Variants in CD1C observed in about 807,000 individuals in gnomAD.
CD1C encodes the protein CD1c molecule.
A neutral mutation model predicts 39.4 loss-of-function variants in CD1C; 47 were observed. The observed-to-expected ratio is 1.19, with a 90% CI of 0.94 to 1.52. The LOEUF is 1.52. CD1C is among the 40% of genes most tolerant of loss of function. The pLI is 0.00. For synonymous variants in CD1C, 165 were observed against 150.8 expected (o/e 1.09, Z -0.69); for missense variants, 417 against 395.2 (o/e 1.06, Z -0.47).
In CD1C at chr1:158,293,470, C is replaced by T; in HGVS notation, c.996C>T (p.Ile332=). 6.2e-7 allele frequency: 1 copy of T among 1,614,114 alleles called. No homozygotes were observed. The highest frequency in any genetic ancestry group is 8.5e-7 in the Non-Finnish European group (1 of 1,180,010). ...TCCTTCACAGCTCATATCAGGACAT[C>T]CTGTGAGACTCTTCCCCCTGACTCC... ...WFKKHCSYQD[I]L is the part of the protein sequence containing the mutation. The change falls in exon 6 of 6, where the codon ATC becomes ATT. Residue 332 remains isoleucine (I), a synonymous_variant. Transcript: ENST00000368170.
chr1:158,293,091 A>T, intron 4 of CD1C, 121 bp from the exon 5 acceptor site: 1 of 939,626 alleles, frequency 1.1e-6, no homozygotes, highest in Non-Finnish European at 1.7e-6. Flanking sequence ...GAATAGAGTG[A>T]CTGAAATAGG....
At chr1:158,290,812 C>T (rs986891225) in intron 1 of CD1C, among the ~76,000 whole-genome samples, 2 of 152,088 alleles carry the variant, frequency 1.3e-5, no homozygotes, top group Non-Finnish European at 2.9e-5. Context: ...TTCTCCTCCC[C>T]GGTGGTGACA....
chr1:158,292,615 G>A lies in CD1C; in HGVS notation c.630G>A (p.Leu210=). ...CTGCAGTGAGGCCAGAAGCCTGGCT[G>A]TCCAGTCGCCCCAGCCTTGGGTCTG... ...VHRQVRPEAW[L]SSRPSLGSGQ... Residue 210 remains leucine (L), a synonymous_variant, in exon 4 of 6, where the codon CTG becomes CTA. Transcript: ENST00000368170. The A allele has an allele frequency of 6.2e-7, 1 of 1,612,828 alleles. No individual in the cohort carries two copies. Among genetic ancestry groups the A allele is most frequent in the Non-Finnish European group, 8.5e-7 (1 of 1,179,996 alleles).
At chr1:158,291,619 T>G (rs1216175318) in intron 2 of CD1C, among the ~76,000 whole-genome samples, 2 of 152,194 alleles carry the variant, frequency 1.3e-5, no homozygotes, top group East Asian at 1.9e-4. Context: ...ATCTTCCACC[T>G]GTGGTCTCCC....
At position 158,291,126 on chromosome 1, in the gene CD1C, AC is replaced by A. The variant is rs2101657755; in HGVS notation, c.62-6del. Reference sequence around the variant, plus strand: ...TCCTTACACTACTTGCCCTTCTTCCACCAAAAGCATCCCAGGAACACGTCTC... The same window carrying A: ...TCCTTACACTACTTGCCCTTCTTCCACAAAAGCATCCCAGGAACACGTCTC... On this transcript the variant is annotated splice_polypyrimidine_tract_variant and splice_region_variant and intron_variant, in intron 1 of 5. Transcript: ENST00000368170. The A allele has an allele frequency of 6.3e-7, 1 of 1,595,338 alleles. No individual in the cohort carries two copies. Among genetic ancestry groups the A allele is most frequent in the East Asian group, 2.3e-5 (1 of 44,306 alleles).
rs1045058762 is a variant in CD1C, at chr1:158,292,239, G to T, written c.484G>T (p.Val162Phe). The T allele has an allele frequency of 6.2e-7, 1 of 1,614,166 alleles. No individual in the cohort carries two copies. The highest frequency in any genetic ancestry group is 1.6e-4 in the Middle Eastern group (1 of 6,062). ...SPGCGSLAQS[V>F]CHLLNHQYEG... Reference sequence around the variant, plus strand: ...AGGCTGTGGAAGTTTGGCCCAAAGTGTCTGTCATCTACTCAATCATCAGTA... The same window carrying T: ...AGGCTGTGGAAGTTTGGCCCAAAGTTTCTGTCATCTACTCAATCATCAGTA... Residue 162 changes from valine (V) to phenylalanine (F), a missense_variant, in exon 3 of 6, where the codon GTC (valine) becomes TTC (phenylalanine). Physicochemically the swap from Val to Phe is conservative, Grantham distance 50. Coordinates refer to ENST00000368170, the MANE Select transcript of CD1C (RefSeq NM_001765.3).
Position 158,293,443 on chromosome 1 carries a change from G to C in CD1C, c.981-12G>C, listed in dbSNP as rs371567161. The C allele has an allele frequency of 6.2e-7, 1 of 1,613,422 alleles. No homozygotes were observed. The highest frequency in any genetic ancestry group is 8.5e-7 in the Non-Finnish European group (1 of 1,179,902). On this transcript the variant is annotated splice_polypyrimidine_tract_variant and intron_variant, in intron 5 of 5. Transcript: ENST00000368170. ...CTTATTCAGGGTTTCTCCCATTCCT[G>C]TTCCTTCACAGCTCATATCAGGACA...
chr1:158,292,443 G>C, intron 3 of CD1C, 78 bp downstream of exon 3: 1 of 1,521,230 alleles, frequency 6.6e-7, no homozygotes, highest in Middle Eastern at 1.8e-4. Context: ...TCAAACTCAG[G>C]ACAAGAAAGA....
Position 158,292,533 on chromosome 1 carries a change from G to T in CD1C, c.611-63G>T, listed in dbSNP as rs1005258347. ...TAACTGTGCATATTCATGTGGATGTGTGTATGTGGATGTAAGTTGTGTGTA... is the reference window on the plus strand; with the variant it reads ...TAACTGTGCATATTCATGTGGATGTTTGTATGTGGATGTAAGTTGTGTGTA... On this transcript the variant is annotated intron_variant, in intron 3 of 5. Transcript: ENST00000368170. The T allele has an allele frequency of 3.9e-6, 6 of 1,555,788 alleles. No individual in the cohort carries two copies. In the Admixed American group the frequency reaches 8.7e-5, roughly 23 times the overall value.
Position 158,291,396 on chromosome 1 carries a change from G to A in CD1C, c.324G>A (p.Ser108=), listed in dbSNP as rs116022586. 106 of 1,612,972 alleles carry A rather than the reference G, an allele frequency of 6.6e-5. 1 individual carries two copies. In the East Asian group the frequency reaches 2.0e-3, roughly 31 times the overall value. Residue 108 remains serine (S), a synonymous_variant, in exon 2 of 6, where the codon TCG becomes TCA. Transcript: ENST00000368170. The part of the protein sequence containing the change: ...EIQDHASQDY[S]KYPFEVQVKA... Reference sequence around the variant, plus strand: ...AAGACCATGCAAGTCAAGATTACTCGAAATGTAAGTTCAATCATCTAAATT... The same window carrying A: ...AAGACCATGCAAGTCAAGATTACTCAAAATGTAAGTTCAATCATCTAAATT...
chr1:158,292,417 C>A, intron 3 of CD1C, 52 bp downstream of exon 3: 3 of 1,560,040 alleles, frequency 1.9e-6, no homozygotes, highest in South Asian at 1.2e-5. Flanking sequence ...AGTACTGCCC[C>A]TTCTGTTCCC....
In CD1C at chr1:158,293,686, C is replaced by T. The variant is rs1401107298; in HGVS notation, c.*210C>T. 5.9e-6 allele frequency: 7 copies of T among 1,181,604 alleles called. No homozygotes were observed. The highest frequency in any genetic ancestry group is 1.5e-5 in the African/African-American group (1 of 65,530). The allele number at this position is 1,181,604 out of a possible 1,614,324, so 73.2% of individuals were successfully genotyped here. On this transcript the variant is annotated 3_prime_UTR_variant, in exon 6 of 6. Transcript: ENST00000368170. ...AGCACTCAACCTTCAAAGCCCATTT[C>T]TGATGTCATTTCCTCCAACGATCTT...
At chr1:158,292,029 C>T in intron 2 of CD1C, 55 bp from the exon 3 acceptor site, 1 of 1,538,256 alleles carries the variant, frequency 6.5e-7, no homozygotes, top group South Asian at 1.3e-5. Context: ...GGTTTTTATA[C>T]TGTTGTTTTC....
rs777338198 is a variant in CD1C at position 158,291,319 on chromosome 1, G to C, written c.247G>C (p.Asp83His). 33 of 1,614,130 alleles carry C rather than the reference G, an allele frequency of 2.0e-5. No homozygotes were observed. The highest frequency in any genetic ancestry group is 2.6e-5 in the Non-Finnish European group (31 of 1,179,998). The change falls in exon 2 of 6, where the codon GAC becomes CAC. Residue 83 changes from aspartate to histidine, a missense_variant. By Grantham distance (81) the Asp-to-His change is moderately conservative. Transcript: ENST00000368170. ...CAACTTCAGCAATGAAGAGTTGTCA[G>C]ACCTAGAGTTGTTATTTCGTTTCTA... The part of the protein sequence containing the change: ...KGNFSNEELS[D>H]LELLFRFYLF...
chr1:158,293,393 C>A (rs1468710961), intron 5 of CD1C, 62 bp from the exon 6 acceptor site: 23 of 1,598,946 alleles, frequency 1.4e-5, no homozygotes, highest in South Asian at 2.2e-5. Context: ...GACTACTCCA[C>A]CTTATCCTCA....
intron 2 of CD1C, 148 bp from the exon 3 acceptor site, chr1:158,291,936 C>G: frequency 2.6e-6 from 2 of 760,986 alleles, no homozygotes; most frequent in South Asian, 1.9e-5. Context: ...CAATTTTTCT[C>G]TCTTGTTTCT....
chr1:158,291,449 C>T (rs779907792), intron 2 of CD1C, 49 bp downstream of exon 2: 1 of 1,581,480 alleles, frequency 6.3e-7, no homozygotes, highest in Non-Finnish European at 8.7e-7. Flanking sequence ...TGTTCTATTT[C>T]AGGGAAATAT....
chr1:158,291,201 A>C lies in CD1C; in HGVS notation c.129A>C (p.Arg43=), dbSNP rs1429002305. The C allele has an allele frequency of 1.9e-6, 3 of 1,613,502 alleles. No homozygotes were observed. Among genetic ancestry groups the C allele is most frequent in the Non-Finnish European group, 2.5e-6 (3 of 1,179,922 alleles). The change falls in exon 2 of 6, where the codon CGA becomes CGC. Residue 43 remains arginine, a synonymous_variant. Coordinates refer to ENST00000368170, the MANE Select transcript of CD1C (RefSeq NM_001765.3). ...IFSFVNQSWA[R]GQGSGWLDEL... ...CATTTGTCAACCAATCCTGGGCACG[A>C]GGTCAGGGCTCAGGATGGCTGGACG...
rs145975773 is a variant in CD1C, at chr1:158,291,234, G to T, written c.162G>T (p.Gln54His). 19 of 1,613,958 alleles carry T rather than the reference G, an allele frequency of 1.2e-5. No individual in the cohort carries two copies. The African/African-American group carries it at 1.7e-4, about 15-fold the overall frequency. Residue 54 changes from glutamine to histidine, a missense_variant, in exon 2 of 6, where the codon CAG becomes CAT. By Grantham distance (24) the Gln-to-His change is conservative. Transcript: ENST00000368170. The part of the protein sequence containing the change: ...GQGSGWLDEL[Q>H]THGWDSESGT... ...GCTCAGGATGGCTGGACGAGTTGCA[G>T]ACTCATGGCTGGGACAGTGAATCAG...
Sources: gnomAD v4.1 joint callset for allele counts (sites outside exome capture counted in the v4.1 genomes callset) on GRCh38, gnomAD v4.1.1 for gene constraint, MANE v1.5 for transcripts, NCBI Gene and HGNC (gene_info 2026-07-23, HGNC 2026-07-21) for gene names.